MFSD2B: variants seen among roughly 807,000 people sequenced by gnomAD.
The protein encoded by MFSD2B is sphingosine-1-phosphate transporter MFSD2B.
MFSD2B carries 56 observed loss-of-function variants against 58.4 expected under a neutral mutation model. The ratio of observed to expected loss-of-function variants is 0.96; its 90% CI spans 0.77 to 1.20. MFSD2B has a LOEUF of 1.20. Ranked by LOEUF, MFSD2B falls within the 50% of genes most tolerant of loss-of-function variation. The pLI, the probability that MFSD2B is intolerant of heterozygous loss-of-function variation, is 0.00. For missense variants in MFSD2B, 645 were observed against 667.6 expected (o/e 0.97, Z 0.37); for synonymous variants, 287 against 294.4 (o/e 0.97, Z 0.26).
At position 24,022,820 on chromosome 2, in the gene MFSD2B, A is replaced by T; in HGVS notation, c.979-2A>T. 6.3e-7 allele frequency: 1 copy of T among 1,579,092 alleles called. No homozygotes were observed. Among genetic ancestry groups the T allele is most frequent in the South Asian group, 1.2e-5 (1 of 84,854 alleles). ...TGGCGTGACGATGCTGTCTGCTCAC[A>T]GGTCTCAGCCGTGCTGAGCACCCCG... On this transcript the variant is annotated splice_acceptor_variant, in intron 9 of 13. Transcript: ENST00000338315. LOFTEE classifies it high-confidence loss of function. The surrounding 1 kb of genome is among the most constrained non-coding windows in gnomAD (Gnocchi z 4.5).
Position 24,016,094 on chromosome 2 carries a change from C to T in MFSD2B, c.223-62C>T, listed in dbSNP as rs1008513054. On this transcript the variant is annotated intron_variant, in intron 2 of 13. Transcript: ENST00000338315. The stretch of plus-strand genomic sequence containing the variant: ...GCCTCCCTCTTGATGGCAAGCAGGC[C>T]TGGATGGGCTCTCTGCTGCTGCTGG... 7.4e-5 allele frequency: 119 copies of T among 1,604,578 alleles called. No individual in the cohort carries two copies. The Middle Eastern group carries it at 1.3e-3, about 17-fold the overall frequency.
rs368779478 is a variant in MFSD2B, at chr2:24,021,834, G to A, written c.773-15G>A. 4.8e-5 allele frequency: 78 copies of A among 1,613,608 alleles called. No individual in the cohort carries two copies. The African/African-American group carries it at 8.5e-4, about 18-fold the overall frequency. ...GAACTCTGCGAAGCCAAGGTGACAC[G>A]CTTCTGCGTTGCAGACCCCTCTGCC... On this transcript the variant is annotated splice_polypyrimidine_tract_variant and intron_variant, in intron 7 of 13. Transcript: ENST00000338315. This position sits in a 1 kb window ranked among gnomAD's most constrained non-coding sequence, Gnocchi z 5.7.
chr2:24,015,343 T>G (rs1709100700), intron 2 of MFSD2B, among the ~76,000 whole-genome samples: 2 of 151,696 alleles, frequency 1.3e-5, no homozygotes, highest in African/African-American at 4.8e-5. Context: ...TCTCAGCTAC[T>G]TGGGAGGCTG....
In MFSD2B at chr2:24,023,962, C is replaced by A; in HGVS notation, c.1314-133C>A. 9.9e-7 allele frequency: 1 copy of A among 1,012,492 alleles called. No individual in the cohort carries two copies. The highest frequency in any genetic ancestry group is 1.4e-6 in the Non-Finnish European group (1 of 691,760). 62.7% of individuals were successfully genotyped at this position (1,012,492 alleles called of 1,614,324 possible). On this transcript the variant is annotated intron_variant, in intron 12 of 13. Coordinates refer to ENST00000338315, the MANE Select transcript of MFSD2B (RefSeq NM_001346880.2). The surrounding 1 kb of genome is among the most constrained non-coding windows in gnomAD (Gnocchi z 5.0). ...CAGGTCAGCCTGTCACCTTGACACTCCTCTCCTGATCTGACCAGGAAATGA... is the reference window on the plus strand; with the variant it reads ...CAGGTCAGCCTGTCACCTTGACACTACTCTCCTGATCTGACCAGGAAATGA...
chr2:24,014,476 T>G (rs1302220084), intron 2 of MFSD2B, among the ~76,000 whole-genome samples: 1 of 152,182 alleles, frequency 6.6e-6, no homozygotes, highest in East Asian at 1.9e-4. Flanking sequence ...CTTCTTCCAG[T>G]GTGGCCCACA....
At position 24,021,971 on chromosome 2, in the gene MFSD2B, GTACC is replaced by G. The variant is rs1246630789; in HGVS notation, c.894+3_894+6del. The G allele has an allele frequency of 6.2e-7, 1 of 1,613,886 alleles. No homozygotes were observed. The highest frequency in any genetic ancestry group is 1.3e-5 in the African/African-American group (1 of 74,926). On this transcript the variant is annotated splice_donor_variant and splice_donor_5th_base_variant and intron_variant, in intron 8 of 13. Transcript: ENST00000338315. LOFTEE classifies it high-confidence loss of function. The surrounding 1 kb of genome is among the most constrained non-coding windows in gnomAD (Gnocchi z 5.7). The stretch of plus-strand genomic sequence containing the variant: ...CCTGTTCATCTCTGCTGCTGTTCAG[GTACC>G]TCTGGCCAGCTGCCCCCGACAGGCT...
rs780499798 is a variant in MFSD2B at position 24,017,521 on chromosome 2, G to A, written c.614G>A (p.Gly205Asp). 5 of 1,584,334 alleles carry A rather than the reference G, an allele frequency of 3.2e-6. No individual in the cohort carries two copies. The highest frequency in any genetic ancestry group is 2.3e-5 in the East Asian group (1 of 43,402). Residue 205 changes from glycine (G) to aspartate (D), a missense_variant, in exon 6 of 14, where the codon GGC becomes GAC. By Grantham distance (94) the Gly-to-Asp change is moderately conservative (BLOSUM62 -1). Transcript: ENST00000338315. This position sits in a 1 kb window ranked among gnomAD's most constrained non-coding sequence, Gnocchi z 4.8. Reference sequence around the variant, plus strand: ...ACTGTCCACGGGCTCATCGTGTCCGGCGCCCACAGACCCCACAGGTGCGAG... The same window carrying A: ...ACTGTCCACGGGCTCATCGTGTCCGACGCCCACAGACCCCACAGGTGCGAG... ...GATVHGLIVS[G>D]AHRPHRCEAT...
In MFSD2B at chr2:24,023,393, A is replaced by T. The variant is rs1662868764; in HGVS notation, c.1169+154A>T. On this transcript the variant is annotated intron_variant, in intron 11 of 13. Transcript: ENST00000338315. The surrounding 1 kb of genome is among the most constrained non-coding windows in gnomAD (Gnocchi z 5.0). Reference sequence around the variant, plus strand: ...CCCTCCTGAGAGGACATCAGGCAGTAGGAATGGCGGGGGGCCGGCAGGGGG... The same window carrying T: ...CCCTCCTGAGAGGACATCAGGCAGTTGGAATGGCGGGGGGCCGGCAGGGGG... 7 of 889,122 alleles carry T rather than the reference A, an allele frequency of 7.9e-6. No homozygotes were observed. The highest frequency in any genetic ancestry group is 1.2e-5 in the Non-Finnish European group (7 of 572,304). 55.1% of individuals were successfully genotyped at this position (889,122 alleles called of 1,614,324 possible).
chr2:24,015,150 T>A (rs1433049808), intron 2 of MFSD2B, among the ~76,000 whole-genome samples: 1 of 146,686 alleles, frequency 6.8e-6, no homozygotes, highest in Non-Finnish European at 1.5e-5. Flanking sequence ...AACAAAAAAA[T>A]GAGGTATCCA....
At position 24,020,687 on chromosome 2, in the gene MFSD2B, G is replaced by C. The variant is rs562412951; in HGVS notation, c.682-961G>C. Among the ~76,000 whole-genome samples, 31 of 152,130 alleles carry C rather than the reference G, an allele frequency of 2.0e-4. No individual in the cohort carries two copies. Among genetic ancestry groups the C allele is most frequent in the African/African-American group, 7.2e-4 (30 of 41,514 alleles). On this transcript the variant is annotated intron_variant, in intron 6 of 13. Transcript: ENST00000338315. The surrounding 1 kb of genome is among the most constrained non-coding windows in gnomAD (Gnocchi z 4.1). The stretch of plus-strand genomic sequence containing the variant: ...CGATTCTGCCACCTCAGCCTCCCTA[G>C]TAGCTGGGACTGCAGGTGCATGCAC...
In MFSD2B at chr2:24,016,279, T is replaced by G. The variant is rs1206681159; in HGVS notation, c.346T>G (p.Trp116Gly). 1.2e-6 allele frequency: 2 copies of G among 1,613,562 alleles called. No homozygotes were observed. Among genetic ancestry groups the G allele is most frequent in the African/African-American group, 2.7e-5 (2 of 74,946 alleles). The change falls in exon 3 of 14, where the codon TGG becomes GGG. Residue 116 changes from tryptophan (W) to glycine (G), a missense_variant and splice_region_variant. By Grantham distance (184) the Trp-to-Gly change is radical (BLOSUM62 -2). Transcript: ENST00000338315. ...QRTGSGRLMP[W>G]VLGCTPFIAL... ...GACAGGGTCTGGACGGCTCATGCCT[T>G]GGTGAGCAACCGCTCAGTCCTTAGG... is the stretch of plus-strand genomic sequence containing the variant.
At position 24,025,610 on chromosome 2, in the gene MFSD2B, G is replaced by T. The variant is rs1662954142; in HGVS notation, c.*154G>T. On this transcript the variant is annotated 3_prime_UTR_variant, in exon 14 of 14. Transcript: ENST00000338315. The stretch of plus-strand genomic sequence containing the variant: ...TTCGGCAACGTGTCCTGAAGGGACT[G>T]GCCCGCACTCCAGGACCCCACTTGG... 2.9e-6 allele frequency: 2 copies of T among 683,016 alleles called. No individual in the cohort carries two copies. Among genetic ancestry groups the T allele is most frequent in the Admixed American group, 2.4e-5 (1 of 42,478 alleles). 42.3% of individuals were successfully genotyped at this position (683,016 alleles called of 1,614,324 possible).
Position 24,024,223 on chromosome 2 carries a change from C to A in MFSD2B, c.1442C>A (p.Thr481Asn). ...CTCTGCATCCTCATGGTCGGCTCCA[C>A]TCCAAAGACACCCAGTCGGGACGCC... ...AGLCILMVGS[T>N]PKTPSRDASS... Residue 481 changes from threonine to asparagine, a missense_variant, in exon 13 of 14, where the codon ACT (threonine) becomes AAT (asparagine). By Grantham distance (65) the Thr-to-Asn change is moderately conservative. Transcript: ENST00000338315. This position sits in a 1 kb window ranked among gnomAD's most constrained non-coding sequence, Gnocchi z 4.3. 6.2e-7 allele frequency: 1 copy of A among 1,613,122 alleles called. No individual in the cohort carries two copies. The highest frequency in any genetic ancestry group is 8.5e-7 in the Non-Finnish European group (1 of 1,179,544).
intron 2 of MFSD2B, among the ~76,000 whole-genome samples, chr2:24,014,343 G>A (rs1709064935): frequency 6.6e-6 from 1 of 151,898 alleles, no homozygotes; most frequent in Admixed American, 6.6e-5. Context: ...TAGTAGAGAC[G>A]GGGTTTCGCC....
Position 24,023,196 on chromosome 2 carries a change from T to C in MFSD2B, c.1126T>C (p.Phe376Leu). The part of the protein sequence containing the change: ...PTAPVAYVVA[F>L]VSGVSIAVSL... ...AGCACCTGTGGCATATGTCGTGGCC[T>C]TTGTATCTGGCGTGAGCATTGCTGT... Residue 376 changes from phenylalanine (F) to leucine (L), a missense_variant, in exon 11 of 14, where the codon TTT becomes CTT. Physicochemically the swap from Phe to Leu is conservative, Grantham distance 22. Transcript: ENST00000338315. This position sits in a 1 kb window ranked among gnomAD's most constrained non-coding sequence, Gnocchi z 5.0. 1 of 1,613,666 alleles carries C rather than the reference T, an allele frequency of 6.2e-7. No individual in the cohort carries two copies. Among genetic ancestry groups the C allele is most frequent in the Non-Finnish European group, 8.5e-7 (1 of 1,179,824 alleles).
In MFSD2B at chr2:24,022,587, T is replaced by C; in HGVS notation, c.978+71T>C. 7.9e-7 allele frequency: 1 copy of C among 1,273,478 alleles called. No homozygotes were observed. 78.9% of individuals were successfully genotyped at this position (1,273,478 alleles called of 1,614,324 possible). A position where few individuals can be genotyped will look rare whatever the true frequency, so the allele number is the denominator to read the frequency against. Reference sequence around the variant, plus strand: ...AGCTGGGGACATGTGTGGTCCTTGATGTGACACATATGGCCAGAGTTCTGG... The same window carrying C: ...AGCTGGGGACATGTGTGGTCCTTGACGTGACACATATGGCCAGAGTTCTGG... On this transcript the variant is annotated intron_variant, in intron 9 of 13. Coordinates refer to ENST00000338315, the MANE Select transcript of MFSD2B (RefSeq NM_001346880.2). This position sits in a 1 kb window ranked among gnomAD's most constrained non-coding sequence, Gnocchi z 4.5.
At position 24,017,530 on chromosome 2, in the gene MFSD2B, G is replaced by A; in HGVS notation, c.623G>A (p.Arg208Lys). 1.9e-6 allele frequency: 3 copies of A among 1,578,890 alleles called. No individual in the cohort carries two copies. In the South Asian group the frequency reaches 3.5e-5, roughly 18 times the overall value. The stretch of plus-strand genomic sequence containing the variant: ...GGGCTCATCGTGTCCGGCGCCCACA[G>A]ACCCCACAGGTGCGAGGCCACTGCG... ...VHGLIVSGAH[R>K]PHRCEATATP... is the part of the protein sequence containing the mutation. The change falls in exon 6 of 14, where the codon AGA (arginine) becomes AAA (lysine). Residue 208 changes from arginine (R) to lysine (K), a missense_variant. Physicochemically the swap from Arg to Lys is conservative, Grantham distance 26. Transcript: ENST00000338315. This position sits in a 1 kb window ranked among gnomAD's most constrained non-coding sequence, Gnocchi z 4.8.
rs1274692501 is a variant in MFSD2B at position 24,023,423 on chromosome 2, C to T, written c.1170-160C>T. ...TGGCGGGGGGCCGGCAGGGGGCTGG[C>T]GGGGGGTACGAGCACACAGGCCATC... On this transcript the variant is annotated intron_variant, in intron 11 of 13. Transcript: ENST00000338315. This position sits in a 1 kb window ranked among gnomAD's most constrained non-coding sequence, Gnocchi z 5.0. 4.3e-6 allele frequency: 4 copies of T among 920,118 alleles called. No homozygotes were observed. In the East Asian group the frequency reaches 7.9e-5, roughly 18 times the overall value. The allele number at this position is 920,118 out of a possible 1,614,324, so 57.0% of individuals were successfully genotyped here. A position where few individuals can be genotyped will look rare whatever the true frequency, so the allele number is the denominator to read the frequency against.
intron 3 of MFSD2B, 108 bp from the exon 4 acceptor site, chr2:24,016,737 C>A: frequency 7.1e-7 from 1 of 1,409,214 alleles, no homozygotes; most frequent in Non-Finnish European, 9.5e-7. Context: ...GCGCCCCAGC[C>A]TAGGGATTCT....
Sources: gnomAD v4.1 joint callset for allele counts (sites outside exome capture counted in the v4.1 genomes callset) on GRCh38, gnomAD v4.1.1 for gene constraint, Gnocchi (gnomAD v3.1) non-coding constraint, MANE v1.5 for transcripts, NCBI Gene and HGNC (gene_info 2026-07-23, HGNC 2026-07-21) for gene names.